MMP12: variants seen among roughly 807,000 people sequenced by gnomAD.
MMP12 encodes matrix metallopeptidase 12.
Under a neutral mutation model 45.2 loss-of-function variants are expected in MMP12, and 51 were observed. That is an observed-to-expected ratio of 1.13 (90% CI 0.90 to 1.42). The LOEUF is 1.42. Among genes scored for constraint, MMP12 ranks in the 40% most tolerant of loss-of-function variants. MMP12 has a pLI of 0.00. For missense variants in MMP12, 530 were observed against 570.8 expected (o/e 0.93, Z 0.73); for synonymous variants, 210 against 193.3 (o/e 1.09, Z -0.72).
intron 1 of MMP12, 141 bp from the exon 2 acceptor site, chr11:102,873,253 T>A: frequency 1.3e-6 from 1 of 768,358 alleles, no homozygotes; most frequent in Non-Finnish European, 2.0e-6. Context: ...AGATTATTGT[T>A]TTTTGGACAA....
At chr11:102,872,223 T>C (rs1282930432) in intron 2 of MMP12, among the ~76,000 whole-genome samples, 2 of 152,256 alleles carry the variant, frequency 1.3e-5, no homozygotes, top group Non-Finnish European at 2.9e-5. Flanking sequence ...TTTTTGCTCC[T>C]GCTCCCAGGT....
In MMP12 at chr11:102,869,477, G is replaced by A. The variant is rs1003714830; in HGVS notation, c.626-1408C>T. Among the ~76,000 whole-genome samples the A allele has an allele frequency of 6.6e-5, 10 of 152,086 alleles. 1 individual carries two copies. Among genetic ancestry groups the A allele is most frequent in the Admixed American group, 2.0e-4 (3 of 15,266 alleles). On this transcript the variant is annotated intron_variant, in intron 4 of 9. Coordinates refer to ENST00000571244, the MANE Select transcript of MMP12 (RefSeq NM_002426.6). ...AATAATGGGTTTATGTTTGTATTCT[G>A]TTTCTCACTAGATTGCGTGCTCAGG... is the stretch of plus-strand genomic sequence containing the variant.
chr11:102,865,445 C>A lies in MMP12; in HGVS notation c.1205+331G>T, dbSNP rs1220455334. On this transcript the variant is annotated intron_variant, in intron 8 of 9. Transcript: ENST00000571244. This position sits in a 1 kb window ranked among gnomAD's most constrained non-coding sequence, Gnocchi z 4.1. Reference sequence around the variant, plus strand: ...CAGAAAGGAATCTGGAAATCCATAACCCTCGAAACTGACTGTAGATTAAAT... The same window carrying A: ...CAGAAAGGAATCTGGAAATCCATAAACCTCGAAACTGACTGTAGATTAAAT... Among the ~76,000 whole-genome samples the A allele has an allele frequency of 6.6e-6, 1 of 152,174 alleles. No individual in the cohort carries two copies. Among genetic ancestry groups the A allele is most frequent in the Non-Finnish European group, 1.5e-5 (1 of 68,034 alleles).
chr11:102,871,765 A>G lies in MMP12; in HGVS notation c.499+39T>C, dbSNP rs199791166. 194 of 1,613,192 alleles carry G rather than the reference A, an allele frequency of 1.2e-4. 1 individual carries two copies. The highest frequency in any genetic ancestry group is 1.6e-4 in the Non-Finnish European group (186 of 1,179,578). ...ATTAGTCCTTCTATACATCCTATAG[A>G]TCATGCCAAATGACAAAGATGAAAT... On this transcript the variant is annotated intron_variant, in intron 3 of 9. Coordinates refer to ENST00000571244, the MANE Select transcript of MMP12 (RefSeq NM_002426.6).
At chr11:102,864,835 G>A (rs1859357183) in intron 8 of MMP12, among the ~76,000 whole-genome samples, 1 of 152,116 alleles carries the variant, frequency 6.6e-6, no homozygotes. Context: ...CTGTTATCTT[G>A]TGTTTATCAA....
chr11:102,872,806 G>C (rs782187723), intron 2 of MMP12, 59 bp downstream of exon 2: 45 of 1,580,502 alleles, frequency 2.8e-5, no homozygotes, highest in Non-Finnish European at 3.7e-5. Context: ...ACTGGTTCAG[G>C]TTAGAAGTCA....
chr11:102,870,739 A>T (rs1023741206), intron 4 of MMP12, among the ~76,000 whole-genome samples: 3 of 152,208 alleles, frequency 2.0e-5, no homozygotes, highest in African/African-American at 7.2e-5. Flanking sequence ...TTAAATGTTC[A>T]GTTGGGCATT....
In MMP12 at chr11:102,873,137, A is replaced by T. The variant is rs140752089; in HGVS notation, c.103-25T>A. On this transcript the variant is annotated intron_variant, in intron 1 of 9. Transcript: ENST00000571244. ...TCTGGAAAAAAAAATACATTCAGCA[A>T]TGTGTAAGTACACACAGAAAATTTC... 3.7e-4 allele frequency: 593 copies of T among 1,602,418 alleles called. 2 individuals carry two copies. In the African/African-American group the frequency reaches 7.1e-3, roughly 19 times the overall value.
intron 4 of MMP12, among the ~76,000 whole-genome samples, chr11:102,869,816 G>A (rs781891632): frequency 1.7e-4 from 26 of 152,062 alleles, no homozygotes; most frequent in Admixed American, 1.3e-4. Flanking sequence ...TTAGTCAGGA[G>A]GCTGAAGTAG....
Position 102,870,939 on chromosome 11 carries a change from T to C in MMP12, c.625+655A>G, listed in dbSNP as rs146282578. On this transcript the variant is annotated intron_variant, in intron 4 of 9. Transcript: ENST00000571244. ...ATTGTTGGCACACACAGAATTAGTA[T>C]GTGTTTGCTTTTGAGCTTATGGATT... is the stretch of plus-strand genomic sequence containing the variant. Among the ~76,000 whole-genome samples the C allele has an allele frequency of 2.8e-4, 43 of 152,352 alleles. 2 individuals carry two copies. The East Asian group carries it at 8.3e-3, about 29-fold the overall frequency.
At chr11:102,868,162 G>A in intron 4 of MMP12, 93 bp from the exon 5 acceptor site, 1 of 1,139,400 alleles carries the variant, frequency 8.8e-7, no homozygotes. Flanking sequence ...AAAGATTTGA[G>A]AATCTTTTAC....
At position 102,871,671 on chromosome 11, in the gene MMP12, T is replaced by C; in HGVS notation, c.548A>G (p.His183Arg). 1.2e-6 allele frequency: 2 copies of C among 1,600,574 alleles called. No individual in the cohort carries two copies. Among genetic ancestry groups the C allele is most frequent in the Non-Finnish European group, 1.7e-6 (2 of 1,172,844 alleles). Residue 183 changes from histidine (H) to arginine (R), a missense_variant, in exon 4 of 10, where the codon CAT becomes CGT. Coordinates refer to ENST00000571244, the MANE Select transcript of MMP12 (RefSeq NM_002426.6). ...AATGCCAGATCCAGGTCCAAAAGCA[T>C]GGGCTAGGATTCCACCTTTGCCATC... ...AFDGKGGILA[H>R]AFGPGSGIGG...
chr11:102,866,266 T>G, intron 7 of MMP12, 49 bp downstream of exon 7: 1 of 1,494,754 alleles, frequency 6.7e-7, no homozygotes, highest in Non-Finnish European at 9.0e-7. Flanking sequence ...TCTCAATTTA[T>G]TCTCTTCCTT....
Position 102,872,902 on chromosome 11 carries a change from C to A in MMP12, c.313G>T (p.Gly105Trp). Residue 105 changes from glycine to tryptophan, a missense_variant, in exon 2 of 10, where the codon GGG (glycine) becomes TGG (tryptophan). Physicochemically the swap from Gly to Trp is radical, Grantham distance 184 (BLOSUM62 -2). Transcript: ENST00000571244. ...PDVHHFREMP[G>W]GPVWRKHYIT... is the part of the protein sequence containing the mutation. ...TAATGTTTCCTCCATACGGGCCCCC[C>A]TGGCATTTCCCTGAAATGATGGACA... is the stretch of plus-strand genomic sequence containing the variant. 1 of 1,613,860 alleles carries A rather than the reference C, an allele frequency of 6.2e-7. No individual in the cohort carries two copies.
rs200079972 is a variant in MMP12 at position 102,871,887 on chromosome 11, T to G, written c.416A>C (p.Gln139Pro). 2 of 1,613,732 alleles carry G rather than the reference T, an allele frequency of 1.2e-6. No homozygotes were observed. Among genetic ancestry groups the G allele is most frequent in the Non-Finnish European group, 1.7e-6 (2 of 1,179,804 alleles). The change falls in exon 3 of 10, where the codon CAA (glutamine) becomes CCA (proline). Residue 139 changes from glutamine to proline, a missense_variant. By Grantham distance (76) the Gln-to-Pro change is moderately conservative. Transcript: ENST00000571244. ...CAAGGGGGTAACATTACTCCATACTTGGAAAGCTTTCCGGATTGCGTAGTC... is the reference window on the plus strand; with the variant it reads ...CAAGGGGGTAACATTACTCCATACTGGGAAAGCTTTCCGGATTGCGTAGTC... Reference protein sequence around the residue: ...DVDYAIRKAFQVWSNVTPLKF... With the variant: ...DVDYAIRKAFPVWSNVTPLKF...
intron 8 of MMP12, 145 bp from the exon 9 acceptor site, chr11:102,864,397 C>G: frequency 6.4e-6 from 4 of 623,710 alleles, no homozygotes; most frequent in Non-Finnish European, 1.2e-5. Context: ...AAACAGTTCA[C>G]TGATTTCCTC....
chr11:102,864,531 G>T (rs1859351179), intron 8 of MMP12, among the ~76,000 whole-genome samples: 1 of 152,114 alleles, frequency 6.6e-6, no homozygotes, highest in Non-Finnish European at 1.5e-5. Context: ...AGGTGATTTG[G>T]CAACAGCATA....
chr11:102,871,972 G>A lies in MMP12; in HGVS notation c.351-20C>T. The A allele has an allele frequency of 1.3e-6, 2 of 1,586,986 alleles. No individual in the cohort carries two copies. Among genetic ancestry groups the A allele is most frequent in the Non-Finnish European group, 8.6e-7 (1 of 1,168,194 alleles). ...TTGATTCTTTATCAGCAAAAAGAGA[G>A]AGAAAAATGTATGGAAGGCAGTGTT... On this transcript the variant is annotated intron_variant, in intron 2 of 9. Coordinates refer to ENST00000571244, the MANE Select transcript of MMP12 (RefSeq NM_002426.6).
chr11:102,867,297 C>T lies in MMP12; in HGVS notation c.884G>A (p.Gly295Glu). The T allele has an allele frequency of 1.2e-6, 2 of 1,604,874 alleles. No individual in the cohort carries two copies. Among genetic ancestry groups the T allele is most frequent in the South Asian group, 2.3e-5 (2 of 88,854 alleles). ...NLSFDAVTTVGNKIFFFKDRF... is the reference protein window; with the variant it reads ...NLSFDAVTTVENKIFFFKDRF... Reference sequence around the variant, plus strand: ...GTCTTTGAAGAAAAAGATCTTATTTCCCACGGTAGTGACAGCATCAAAACT... The same window carrying T: ...GTCTTTGAAGAAAAAGATCTTATTTTCCACGGTAGTGACAGCATCAAAACT... Residue 295 changes from glycine (G) to glutamate (E), a missense_variant, in exon 6 of 10, where the codon GGA (glycine) becomes GAA (glutamate). Gly to Glu is a moderately conservative substitution (Grantham distance 98, BLOSUM62 -2). Transcript: ENST00000571244.
Sources: gnomAD v4.1 joint callset for allele counts (sites outside exome capture counted in the v4.1 genomes callset) on GRCh38, gnomAD v4.1.1 for gene constraint, Gnocchi (gnomAD v3.1) non-coding constraint, MANE v1.5 for transcripts, NCBI Gene and HGNC (gene_info 2026-07-23, HGNC 2026-07-21) for gene names.